SMYD3: variants seen among roughly 807,000 people sequenced by gnomAD.
SMYD3 encodes SET and MYND domain containing 3.
Under a neutral mutation model 57.7 loss-of-function variants are expected in SMYD3, and 36 were observed. The observed-to-expected ratio is 0.62, with a 90% CI of 0.48 to 0.82. SMYD3 has a LOEUF of 0.82. Among genes scored for constraint, SMYD3 ranks in the 40% least tolerant of loss-of-function variants. The pLI, the probability that SMYD3 is intolerant of heterozygous loss-of-function variation, is 0.00. For synonymous variants in SMYD3, 211 were observed against 195.0 expected (o/e 1.08, Z -0.68); for missense variants, 515 against 538.8 (o/e 0.96, Z 0.44).
chr1:246,447,103 A>T lies in SMYD3; in HGVS notation c.164+59951T>A, dbSNP rs560287639. Among the ~76,000 whole-genome samples, 11 of 152,300 alleles carry T rather than the reference A, an allele frequency of 7.2e-5. No individual in the cohort carries two copies. In the South Asian group the frequency reaches 1.9e-3, roughly 26 times the overall value. On this transcript the variant is annotated intron_variant, in intron 1 of 11. Coordinates refer to ENST00000490107, the MANE Select transcript of SMYD3 (RefSeq NM_001167740.2). ...ACTTAGAGCAAGTTTTATATTTTAA[A>T]CTATATAGCTTTCAAGTAGCAATCT...
chr1:245,870,949 C>G (rs1357563826), intron 8 of SMYD3, among the ~76,000 whole-genome samples: 1 of 152,110 alleles, frequency 6.6e-6, no homozygotes, highest in African/African-American at 2.4e-5. Context: ...TCAGATGGTT[C>G]TCATTAAAAA....
intron 7 of SMYD3, among the ~76,000 whole-genome samples, chr1:245,920,087 T>A (rs28397718): frequency 6.6e-5 from 10 of 151,928 alleles, no homozygotes; most frequent in East Asian, 3.9e-4. Flanking sequence ...GCCAAGGCGG[T>A]AGGATCACGA....
intron 5 of SMYD3, among the ~76,000 whole-genome samples, chr1:246,234,351 G>A (rs1274682846): frequency 1.3e-5 from 2 of 151,962 alleles, no homozygotes; most frequent in African/African-American, 2.4e-5. Context: ...CCACATGGAG[G>A]AGAAGCACTC....
intron 5 of SMYD3, among the ~76,000 whole-genome samples, chr1:246,273,575 C>CT (rs75025399): frequency 0.054 from 4,572 of 84,324 alleles, 410 homozygotes; most frequent in African/African-American, 0.17. Context: ...TTTCACTAAT[C>CT]TTTTTTTTTT....
intron 5 of SMYD3, among the ~76,000 whole-genome samples, chr1:246,006,116 G>A (rs2059163184): frequency 6.6e-6 from 1 of 152,184 alleles, no homozygotes; most frequent in Non-Finnish European, 1.5e-5. Flanking sequence ...ACGGTGATTT[G>A]ATGTTTGTGT....
At chr1:245,812,322 T>C (rs957261787) in intron 10 of SMYD3, among the ~76,000 whole-genome samples, 6 of 152,212 alleles carry the variant, frequency 3.9e-5, no homozygotes, top group African/African-American at 1.2e-4. Context: ...GCCTGAATTA[T>C]TTCAGTTCCC....
At chr1:245,750,885 G>A (rs2045321017) in intron 11 of SMYD3, among the ~76,000 whole-genome samples, 1 of 152,244 alleles carries the variant, frequency 6.6e-6, no homozygotes, top group Non-Finnish European at 1.5e-5. Flanking sequence ...TAGCTACACA[G>A]CAGGATCAAC....
At chr1:246,176,798 C>T (rs984244044) in intron 5 of SMYD3, among the ~76,000 whole-genome samples, 1 of 152,166 alleles carries the variant, frequency 6.6e-6, no homozygotes, top group Non-Finnish European at 1.5e-5. Flanking sequence ...GTTGGGATTA[C>T]AGATGTGAGC....
chr1:246,279,485 C>T lies in SMYD3; in HGVS notation c.531+47716G>A, dbSNP rs1330997251. 2.6e-5 allele frequency among the ~76,000 whole-genome samples: 4 copies of T among 152,268 alleles called. No individual in the cohort carries two copies. In the South Asian group the frequency reaches 6.2e-4, roughly 24 times the overall value. Reference sequence around the variant, plus strand: ...GCAATGAGCCAAGATCATGTCATTGCACTCCAGCCTGGCGACAGAGTAAGA... The same window carrying T: ...GCAATGAGCCAAGATCATGTCATTGTACTCCAGCCTGGCGACAGAGTAAGA... On this transcript the variant is annotated intron_variant, in intron 5 of 11. Coordinates refer to ENST00000490107, the MANE Select transcript of SMYD3 (RefSeq NM_001167740.2).
At chr1:246,382,595 C>T (rs1329130948) in intron 1 of SMYD3, among the ~76,000 whole-genome samples, 2 of 151,952 alleles carry the variant, frequency 1.3e-5, no homozygotes, top group Admixed American at 1.3e-4. Flanking sequence ...CTAATAGACC[C>T]AGGATCCAAG....
intron 2 of SMYD3, among the ~76,000 whole-genome samples, chr1:246,348,967 A>C (rs925948257): frequency 6.6e-6 from 1 of 152,264 alleles, no homozygotes; most frequent in Middle Eastern, 3.4e-3. Flanking sequence ...AAAAATTACT[A>C]ATCTAGAATT....
At chr1:245,956,755 T>C (rs1482829361) in intron 5 of SMYD3, among the ~76,000 whole-genome samples, 5 of 152,236 alleles carry the variant, frequency 3.3e-5, no homozygotes, top group Admixed American at 1.3e-4. Flanking sequence ...AACTGACTTC[T>C]TGATTTCCTT....
chr1:246,292,604 T>C (rs925827627), intron 5 of SMYD3, among the ~76,000 whole-genome samples: 1 of 152,218 alleles, frequency 6.6e-6, no homozygotes, highest in Non-Finnish European at 1.5e-5. Flanking sequence ...CACTCCAACA[T>C]ACCAGTCACT....
intron 5 of SMYD3, among the ~76,000 whole-genome samples, chr1:246,255,087 ACTT>A (rs2063860294): frequency 6.6e-6 from 1 of 152,012 alleles, no homozygotes; most frequent in South Asian, 2.1e-4. Flanking sequence ...AAATAGTTTC[ACTT>A]CTTCTTTTCC....
chr1:246,111,984 G>A (rs1490555094), intron 5 of SMYD3, among the ~76,000 whole-genome samples: 3 of 152,012 alleles, frequency 2.0e-5, no homozygotes, highest in Non-Finnish European at 4.4e-5. Flanking sequence ...TTTTTCAATG[G>A]GGGATGATTA....
chr1:246,166,298 A>C (rs759254060), intron 5 of SMYD3, among the ~76,000 whole-genome samples: 4 of 152,136 alleles, frequency 2.6e-5, no homozygotes, highest in African/African-American at 9.7e-5. Context: ...GTCCTAAAGA[A>C]AAAAAGGTAC....
intron 10 of SMYD3, among the ~76,000 whole-genome samples, chr1:245,810,658 G>C (rs1221373376): frequency 6.6e-6 from 1 of 152,176 alleles, no homozygotes; most frequent in Non-Finnish European, 1.5e-5. Context: ...TGTGAGGAGC[G>C]TGGAAAAGGG....
In SMYD3 at chr1:246,057,223, C is replaced by T. The variant is rs535889353; in HGVS notation, c.532-127286G>A. Among the ~76,000 whole-genome samples the T allele has an allele frequency of 6.6e-5, 10 of 152,246 alleles. No homozygotes were observed. In the South Asian group the frequency reaches 1.7e-3, roughly 25 times the overall value. On this transcript the variant is annotated intron_variant, in intron 5 of 11. Coordinates refer to ENST00000490107, the MANE Select transcript of SMYD3 (RefSeq NM_001167740.2). ...TGCTTAACATAGCGTTAGAGGCATA[C>T]GAAATTCTCAATAAATATTAGCCTT...
intron 5 of SMYD3, among the ~76,000 whole-genome samples, chr1:246,115,937 G>A (rs539663108): frequency 1.2e-4 from 18 of 151,786 alleles, no homozygotes; most frequent in South Asian, 2.1e-4. Flanking sequence ...TCAGGAGTTC[G>A]AGATCAGCCT....
Sources: allele counts gnomAD v4.1 joint callset (sites outside exome capture counted in the v4.1 genomes callset), GRCh38; gene constraint gnomAD v4.1.1; transcripts MANE v1.5; gene names NCBI Gene and HGNC (gene_info 2026-07-23, HGNC 2026-07-21).